Variants in MYO16 observed in about 807,000 individuals in gnomAD.
MYO16 encodes the protein myosin XVI, also known as unconventional myosin-XVI.
In MYO16, 94 loss-of-function variants were observed where a neutral mutation model predicts 205.3. That is an observed-to-expected ratio of 0.46 (90% CI 0.39 to 0.54). The LOEUF (loss-of-function observed/expected upper bound fraction) is 0.54. Among genes scored for constraint, MYO16 ranks in the 20% least tolerant of loss-of-function variants. The pLI is 0.00. For missense variants in MYO16, 2,315 were observed against 2,387.5 expected, an observed-to-expected ratio of 0.97 and a Z score of 0.63; for synonymous variants, 988 against 954.0, an observed-to-expected ratio of 1.04 and a Z score of -0.66.
intron 29 of MYO16, among the ~76,000 whole-genome samples, chr13:109,122,412 C>T (rs157019): frequency 0.79 from 119,920 of 152,096 alleles, 47,307 homozygotes; most frequent in South Asian, 0.82. Flanking sequence ...GGCGCAGTGG[C>T]TCACGCCTGT....
At chr13:108,740,054 T>C (rs1347380303) in intron 4 of MYO16, among the ~76,000 whole-genome samples, 1 of 152,032 alleles carries the variant, frequency 6.6e-6, no homozygotes, top group Admixed American at 6.6e-5. Flanking sequence ...TTTTTAGAGG[T>C]TTTTAGCTTC....
At chr13:108,570,579 A>G in the MYO16 span, among the ~76,000 whole-genome samples, 7 of 152,242 alleles carry the variant, frequency 4.6e-5, no homozygotes, top group African/African-American at 1.7e-4. Context: ...ATAACACACC[A>G]ATGAAGCCAG....
At position 108,823,141 on chromosome 13, in the gene MYO16, G is replaced by T; in HGVS notation, c.960G>T (p.Glu320Asp). The change falls in exon 9 of 35, where the codon GAG (glutamate) becomes GAT (aspartate). Residue 320 changes from glutamate (E) to aspartate (D), a missense_variant. Physicochemically the swap from Glu to Asp is conservative, Grantham distance 45. Transcript: ENST00000457511. ...EEKASDIAASEFIEEMLLKAE... is the reference protein window; with the variant it reads ...EEKASDIAASDFIEEMLLKAE... ...TTCTTGTAGATATTGCTGCCTCTGA[G>T]TTTATTGAGGAAATGCTGCTGAAAG... is the stretch of plus-strand genomic sequence containing the variant. 6.2e-7 allele frequency: 1 copy of T among 1,610,850 alleles called. No homozygotes were observed. Among genetic ancestry groups the T allele is most frequent in the South Asian group, 1.1e-5 (1 of 91,012 alleles).
the MYO16 span, among the ~76,000 whole-genome samples, chr13:108,497,538 A>G: frequency 5.4e-4 from 82 of 152,320 alleles, no homozygotes; most frequent in Middle Eastern, 0.02. Flanking sequence ...CATCACCCAG[A>G]GTGTGATATT....
intron 33 of MYO16, among the ~76,000 whole-genome samples, chr13:109,176,471 T>C (rs1421244053): frequency 2.6e-5 from 4 of 151,038 alleles, no homozygotes; most frequent in Non-Finnish European, 4.4e-5. Flanking sequence ...ATGAATCCGT[T>C]TTCTTTTTTT....
At chr13:109,152,026 C>A (rs1370334406) in intron 32 of MYO16, among the ~76,000 whole-genome samples, 1 of 152,222 alleles carries the variant, frequency 6.6e-6, no homozygotes, top group Non-Finnish European at 1.5e-5. Flanking sequence ...CTCCATCGTA[C>A]TTCTGCCAGT....
rs9521197 is a variant in MYO16 at position 109,180,555 on chromosome 13, C to T, written c.5415+922C>T. ...TCAGCCAAGTATCCAGATGTTTCCA[C>T]GAAATCAACTATACAGCTAATGATC... On this transcript the variant is annotated intron_variant, in intron 34 of 34. Coordinates refer to ENST00000457511, the MANE Select transcript of MYO16 (RefSeq NM_001198950.3). 2.6e-5 allele frequency among the ~76,000 whole-genome samples: 4 copies of T among 152,236 alleles called. No individual in the cohort carries two copies. The South Asian group carries it at 6.2e-4, about 24-fold the overall frequency.
chr13:108,644,794 C>G (rs1397976049), intron 1 of MYO16, among the ~76,000 whole-genome samples: 4 of 152,166 alleles, frequency 2.6e-5, no homozygotes, highest in Non-Finnish European at 4.4e-5. Flanking sequence ...GTTCAACCCT[C>G]ACACCCATGA....
chr13:108,612,567 T>C (rs373251059), intron 1 of MYO16, among the ~76,000 whole-genome samples: 11 of 152,274 alleles, frequency 7.2e-5, no homozygotes, highest in East Asian at 1.9e-4. Context: ...AAACAAGACA[T>C]GGTCCTTGCC....
At chr13:108,882,575 T>C (rs902868740) in intron 12 of MYO16, among the ~76,000 whole-genome samples, 1 of 152,248 alleles carries the variant, frequency 6.6e-6, no homozygotes, top group African/African-American at 2.4e-5. Flanking sequence ...GCAATAATTA[T>C]AAATCACCGT....
rs552797075 is a variant in MYO16, at chr13:108,755,060, A to T, written c.507+27477A>T. Among the ~76,000 whole-genome samples, 22 of 152,260 alleles carry T rather than the reference A, an allele frequency of 1.4e-4. No homozygotes were observed. In the South Asian group the frequency reaches 4.4e-3, roughly 30 times the overall value. ...ATAAATGTGAGACAGCATTCAGGAG[A>T]GAGGGGACCCATGCACACAAATGAT... On this transcript the variant is annotated intron_variant, in intron 4 of 34. Transcript: ENST00000457511.
intron 6 of MYO16, among the ~76,000 whole-genome samples, chr13:108,804,185 A>G (rs1347121298): frequency 6.6e-6 from 1 of 152,216 alleles, no homozygotes; most frequent in African/African-American, 2.4e-5. Context: ...CAGATGGTAA[A>G]GATTAGAAGA....
chr13:108,657,502 G>C (rs1314858730), intron 1 of MYO16, among the ~76,000 whole-genome samples: 1 of 152,156 alleles, frequency 6.6e-6, no homozygotes, highest in Admixed American at 6.5e-5. Flanking sequence ...ATATATCTTG[G>C]TTGTAGGAAA....
At chr13:109,205,528 GTCA>G (rs1170330753) in intron 34 of MYO16, among the ~76,000 whole-genome samples, 3 of 152,210 alleles carry the variant, frequency 2.0e-5, no homozygotes, top group Non-Finnish European at 4.4e-5. Context: ...GGTAGGATGA[GTCA>G]TCTCATTTCC....
chr13:108,667,163 G>A (rs756136193), intron 2 of MYO16, among the ~76,000 whole-genome samples: 12 of 152,114 alleles, frequency 7.9e-5, no homozygotes, highest in Non-Finnish European at 1.6e-4. Context: ...TGCTTTGAAG[G>A]CTTTCAAATG....
intron 10 of MYO16, among the ~76,000 whole-genome samples, chr13:108,847,006 CATTT>C (rs1280251729): frequency 1.3e-5 from 2 of 152,088 alleles, no homozygotes; most frequent in African/African-American, 2.4e-5. Context: ...CAATGATAAT[CATTT>C]ATTTAATTAA....
intron 3 of MYO16, among the ~76,000 whole-genome samples, chr13:108,725,583 C>G (rs1156850360): frequency 6.6e-6 from 1 of 152,134 alleles, no homozygotes; most frequent in Non-Finnish European, 1.5e-5. Flanking sequence ...ACACGGTTTT[C>G]AGTCTGGTTG....
At chr13:108,745,918 T>G (rs1885045734) in intron 4 of MYO16, among the ~76,000 whole-genome samples, 1 of 152,164 alleles carries the variant, frequency 6.6e-6, no homozygotes, top group African/African-American at 2.4e-5. Flanking sequence ...CCGGGCGCGG[T>G]GGCTCACGCC....
At chr13:108,846,060 G>A (rs1265017713) in intron 10 of MYO16, among the ~76,000 whole-genome samples, 3 of 152,032 alleles carry the variant, frequency 2.0e-5, no homozygotes, top group African/African-American at 7.2e-5. Context: ...GACATTCCAA[G>A]TGTTTCTGAG....
Sources: gnomAD v4.1 joint callset for allele counts (sites outside exome capture counted in the v4.1 genomes callset) on GRCh38, gnomAD v4.1.1 for gene constraint, MANE v1.5 for transcripts, NCBI Gene and HGNC (gene_info 2026-07-23, HGNC 2026-07-21) for gene names.